NRG1: variants seen among roughly 807,000 people sequenced by gnomAD.
The protein encoded by NRG1 is pro-neuregulin-1, membrane-bound isoform.
Under a neutral mutation model 63.8 loss-of-function variants are expected in NRG1, and 18 were observed. The observed-to-expected ratio is 0.28, with a 90% CI of 0.19 to 0.42. The LOEUF (loss-of-function observed/expected upper bound fraction) is 0.42. NRG1 is among the 10% of genes least tolerant of loss of function. The probability of loss-of-function intolerance (pLI) is 1.00; values close to 1 mark genes in which losing one functional copy is unlikely to be tolerated. For synonymous variants in NRG1, 302 were observed against 301.3 expected, an observed-to-expected ratio of 1.00 and a Z score of -0.02; for missense variants, 762 against 814.7, an observed-to-expected ratio of 0.94 and a Z score of 0.79.
intron 1 of NRG1, among the ~76,000 whole-genome samples, chr8:32,352,832 C>T (rs1180561220): frequency 6.6e-6 from 1 of 151,802 alleles, no homozygotes; most frequent in African/African-American, 2.4e-5. Flanking sequence ...GAGCTATGAT[C>T]TTGCAACTGT....
chr8:32,416,684 G>T (rs1299771125), intron 1 of NRG1, among the ~76,000 whole-genome samples: 1 of 151,658 alleles, frequency 6.6e-6, no homozygotes, highest in African/African-American at 2.4e-5. Context: ...TTTGTTTTTT[G>T]TGGTTGTTTT....
At chr8:31,824,957 A>C (rs892939077) in intron 1 of NRG1, among the ~76,000 whole-genome samples, 1 of 152,196 alleles carries the variant, frequency 6.6e-6, no homozygotes, top group Non-Finnish European at 1.5e-5. Flanking sequence ...AAAAACATTA[A>C]ATTTAGTTAT....
At chr8:32,185,024 A>G (rs1841830453) in intron 1 of NRG1, among the ~76,000 whole-genome samples, 1 of 152,154 alleles carries the variant, frequency 6.6e-6, no homozygotes, top group Non-Finnish European at 1.5e-5. Flanking sequence ...TTGTGTGTAA[A>G]TGAATGATTG....
chr8:31,840,208 C>A (rs915544539), intron 1 of NRG1, among the ~76,000 whole-genome samples: 10 of 152,076 alleles, frequency 6.6e-5, no homozygotes, highest in African/African-American at 2.4e-4. Context: ...GGTCCTGTTG[C>A]AAATTCAATG....
At chr8:32,395,102 AATGGTGAC>A (rs1812272104) in intron 1 of NRG1, among the ~76,000 whole-genome samples, 1 of 152,170 alleles carries the variant, frequency 6.6e-6, no homozygotes, top group Non-Finnish European at 1.5e-5. Context: ...CTTTCTAAAT[AATGGTGAC>A]CTTTTTCACG....
intron 1 of NRG1, among the ~76,000 whole-genome samples, chr8:31,959,319 T>A (rs187653958): frequency 1.8e-4 from 27 of 152,312 alleles, no homozygotes; most frequent in Middle Eastern, 3.4e-3. Flanking sequence ...AGTATAAAAC[T>A]ATCAGTCAGG....
intron 7 of NRG1, among the ~76,000 whole-genome samples, chr8:32,751,335 G>A (rs1260288479): frequency 6.6e-6 from 1 of 152,152 alleles, no homozygotes; most frequent in Admixed American, 6.5e-5. Flanking sequence ...AAACATGTTA[G>A]TCCAGCCAAA....
At chr8:31,797,114 G>A (rs1323417873) in intron 1 of NRG1, among the ~76,000 whole-genome samples, 1 of 152,172 alleles carries the variant, frequency 6.6e-6, no homozygotes, top group Non-Finnish European at 1.5e-5. Context: ...TTATTGACAT[G>A]TGGGCTTTGA....
chr8:31,773,966 C>T (rs1302664770), intron 1 of NRG1, among the ~76,000 whole-genome samples: 1 of 151,180 alleles, frequency 6.6e-6, no homozygotes, highest in East Asian at 2.0e-4. Flanking sequence ...GCATTGGGTA[C>T]TCAATAAATA....
At chr8:31,789,066 G>T (rs1820444780) in intron 1 of NRG1, among the ~76,000 whole-genome samples, 2 of 152,172 alleles carry the variant, frequency 1.3e-5, no homozygotes, top group African/African-American at 2.4e-5. Flanking sequence ...TAGGAATCAA[G>T]AAATTTTGGT....
At chr8:32,148,198 G>A (rs188696551) in intron 1 of NRG1, among the ~76,000 whole-genome samples, 188 of 152,136 alleles carry the variant, frequency 1.2e-3, no homozygotes, top group Non-Finnish European at 4.3e-4. Context: ...TCAAATATGA[G>A]GAAACTGAAG....
chr8:32,677,491 T>A (rs1807442691), intron 5 of NRG1, among the ~76,000 whole-genome samples: 3 of 151,916 alleles, frequency 2.0e-5, no homozygotes, highest in Admixed American at 2.0e-4. Flanking sequence ...ATCCTGTCTC[T>A]ACAAAATATA....
intron 1 of NRG1, among the ~76,000 whole-genome samples, chr8:32,566,342 CAA>C (rs35064563): frequency 4.0e-4 from 41 of 102,654 alleles, no homozygotes; most frequent in African/African-American, 9.2e-4. Flanking sequence ...CAGAACATCT[CAA>C]AAAAAAAAAA....
At chr8:31,681,122 A>G (rs963893929) in intron 1 of NRG1, among the ~76,000 whole-genome samples, 17 of 152,034 alleles carry the variant, frequency 1.1e-4, no homozygotes, top group East Asian at 3.9e-4. Context: ...TAAGTGGAGA[A>G]AAAAAATGGA....
chr8:32,280,666 T>G (rs902093982), intron 1 of NRG1, among the ~76,000 whole-genome samples: 3 of 145,514 alleles, frequency 2.1e-5, no homozygotes, highest in African/African-American at 7.6e-5. Flanking sequence ...GTGTCTTTCA[T>G]GCAACTGAAT....
intron 1 of NRG1, among the ~76,000 whole-genome samples, chr8:31,925,312 G>A (rs914137505): frequency 2.0e-5 from 3 of 151,230 alleles, no homozygotes; most frequent in African/African-American, 7.3e-5. Context: ...TATTTTTGGT[G>A]TAATGACCCT....
intron 1 of NRG1, among the ~76,000 whole-genome samples, chr8:31,742,789 G>A (rs1324712352): frequency 3.3e-5 from 5 of 151,832 alleles, no homozygotes; most frequent in Admixed American, 1.3e-4. Context: ...TGGCTTCTAA[G>A]GTCTCTGTGA....
intron 5 of NRG1, among the ~76,000 whole-genome samples, chr8:32,650,810 A>G (rs992875061): frequency 2.0e-5 from 3 of 152,096 alleles, no homozygotes; most frequent in Middle Eastern, 6.3e-3. Context: ...TGAAAATGAC[A>G]TTATCATATG....
At chr8:31,936,867 C>G (rs1800987974) in intron 1 of NRG1, among the ~76,000 whole-genome samples, 1 of 152,174 alleles carries the variant, frequency 6.6e-6, no homozygotes, top group Admixed American at 6.5e-5. Flanking sequence ...TAATCTGGTG[C>G]AATTGCTCTT....
Sources: allele counts gnomAD v4.1 joint callset (sites outside exome capture counted in the v4.1 genomes callset), GRCh38; gene constraint gnomAD v4.1.1; transcripts MANE v1.5; gene names NCBI Gene and HGNC (gene_info 2026-07-23, HGNC 2026-07-21).